HPSE2: variants seen among roughly 807,000 people sequenced by gnomAD.
The protein encoded by HPSE2 is heparanase 2 (inactive), also known as inactive heparanase-2.
HPSE2 carries 38 observed loss-of-function variants against 60.5 expected under a neutral mutation model. The observed-to-expected ratio is 0.63, with a 90% CI of 0.48 to 0.82. The LOEUF is 0.82. Ranked by LOEUF, HPSE2 falls within the 40% of genes least tolerant of loss-of-function variation. The pLI, the probability that HPSE2 is intolerant of heterozygous loss-of-function variation, is 0.00. For synonymous variants in HPSE2, 295 were observed against 293.2 expected (o/e 1.01, Z -0.06); for missense variants, 713 against 740.4 (o/e 0.96, Z 0.43).
At chr10:98,706,151 C>A (rs1048151342) in intron 5 of HPSE2, among the ~76,000 whole-genome samples, 1 of 152,094 alleles carries the variant, frequency 6.6e-6, no homozygotes, top group Non-Finnish European at 1.5e-5. Flanking sequence ...GTAGTTAGTG[C>A]AGGCTAAACT....
chr10:98,781,287 C>T (rs2010121), intron 3 of HPSE2, among the ~76,000 whole-genome samples: 98,718 of 132,348 alleles, frequency 0.75, 37,110 homozygotes, highest in Non-Finnish European at 0.83. Context: ...ATATCCACTT[C>T]TTTTTTTTTT....
intron 3 of HPSE2, among the ~76,000 whole-genome samples, chr10:98,878,218 C>G (rs888593860): frequency 1.3e-5 from 2 of 151,918 alleles, no homozygotes; most frequent in Non-Finnish European, 2.9e-5. Context: ...GGAAGTCGTT[C>G]CTAAGTTATA....
chr10:98,663,709 C>A (rs921401609), intron 6 of HPSE2, among the ~76,000 whole-genome samples: 4 of 152,134 alleles, frequency 2.6e-5, no homozygotes, highest in African/African-American at 7.2e-5. Flanking sequence ...CTTTCCTGAA[C>A]CCCATGGGCC....
chr10:99,180,178 T>C (rs1013289403), intron 2 of HPSE2, among the ~76,000 whole-genome samples: 1 of 152,166 alleles, frequency 6.6e-6, no homozygotes, highest in African/African-American at 2.4e-5. Context: ...ACCTGGGCAA[T>C]ACCATTCAGG....
chr10:98,641,479 C>T (rs1946634935), intron 7 of HPSE2, among the ~76,000 whole-genome samples: 3 of 151,798 alleles, frequency 2.0e-5, no homozygotes, highest in Admixed American at 6.6e-5. Context: ...CTCAGCTACT[C>T]GGGAAGCTGA....
At chr10:98,950,377 C>T (rs544117367) in intron 3 of HPSE2, among the ~76,000 whole-genome samples, 1 of 152,176 alleles carries the variant, frequency 6.6e-6, no homozygotes, top group Non-Finnish European at 1.5e-5. Context: ...TTACAACCTG[C>T]CTGACACACT....
chr10:99,082,715 G>A (rs1224228712), intron 3 of HPSE2, among the ~76,000 whole-genome samples: 1 of 152,090 alleles, frequency 6.6e-6, no homozygotes, highest in Admixed American at 6.5e-5. Flanking sequence ...CACATTCTGT[G>A]TTGAATGAAA....
Position 98,963,966 on chromosome 10 carries a change from C to T in HPSE2, c.610+180272G>A, listed in dbSNP as rs147768169. On this transcript the variant is annotated intron_variant, in intron 3 of 11. Coordinates refer to ENST00000370552, the MANE Select transcript of HPSE2 (RefSeq NM_021828.5). ...GAGTCTATTATCTAAACCTAATGCC[C>T]GATGGAGATAAAATATTTCACATTA... Among the ~76,000 whole-genome samples the T allele has an allele frequency of 3.2e-4, 48 of 152,102 alleles. 1 individual carries two copies. In the East Asian group the frequency reaches 6.9e-3, roughly 22 times the overall value.
chr10:98,458,936 A>C lies in HPSE2; in HGVS notation c.*638T>G, dbSNP rs1215130893. On this transcript the variant is annotated 3_prime_UTR_variant, in exon 12 of 12. Transcript: ENST00000370552. The stretch of plus-strand genomic sequence containing the variant: ...TACTTTTGAAGCACCCGCTTCCCAG[A>C]AGAACTGCCAGTGATGGATGCCACT... 1 of 156,880 alleles carries C rather than the reference A, an allele frequency of 6.4e-6. No individual in the cohort carries two copies. The highest frequency in any genetic ancestry group is 1.4e-5 in the Non-Finnish European group (1 of 70,652). The allele number at this position is 156,880 out of a possible 1,614,324, so 9.7% of individuals were successfully genotyped here.
At chr10:98,605,688 A>G (rs902779161) in intron 9 of HPSE2, among the ~76,000 whole-genome samples, 1 of 152,198 alleles carries the variant, frequency 6.6e-6, no homozygotes, top group Non-Finnish European at 1.5e-5. Context: ...AACAGGAAGC[A>G]ATGAAGTTTG....
intron 2 of HPSE2, among the ~76,000 whole-genome samples, chr10:99,166,431 A>G (rs191160701): frequency 3.9e-5 from 6 of 152,346 alleles, no homozygotes; most frequent in African/African-American, 1.4e-4. Context: ...CCAGCATTGT[A>G]TAAGAGTTCC....
At chr10:98,809,034 G>A (rs1025801020) in intron 3 of HPSE2, among the ~76,000 whole-genome samples, 5 of 151,944 alleles carry the variant, frequency 3.3e-5, no homozygotes, top group East Asian at 3.9e-4. Flanking sequence ...TTACAGTATC[G>A]TCCAGATATC....
intron 2 of HPSE2, among the ~76,000 whole-genome samples, chr10:99,167,841 T>G (rs1847143728): frequency 6.6e-6 from 1 of 152,184 alleles, no homozygotes; most frequent in South Asian, 2.1e-4. Flanking sequence ...AGAACTGATA[T>G]CTTAATAATA....
rs1941857082 is a variant in HPSE2, at chr10:98,496,856, C to G, written c.1321-6660G>C. 1.3e-5 allele frequency among the ~76,000 whole-genome samples: 2 copies of G among 151,732 alleles called. 1 individual carries two copies. The highest frequency in any genetic ancestry group is 4.2e-4 in the South Asian group (2 of 4,816). ...TATTCTGTTCAAGTTTGTAGTTTGA[C>G]TTTTATCACTTTTTATGGTTTTTTG... On this transcript the variant is annotated intron_variant, in intron 9 of 11. Transcript: ENST00000370552.
At chr10:99,276,894 G>A in the HPSE2 span, among the ~76,000 whole-genome samples, 1 of 152,132 alleles carries the variant, frequency 6.6e-6, no homozygotes, top group Admixed American at 6.6e-5. Context: ...GAGCATATTT[G>A]TAAATTTAAA....
At chr10:99,008,466 G>A (rs1482834133) in intron 3 of HPSE2, among the ~76,000 whole-genome samples, 1 of 152,174 alleles carries the variant, frequency 6.6e-6, no homozygotes, top group Non-Finnish European at 1.5e-5. Flanking sequence ...TAGCTTGTAG[G>A]CTTGTTTCTA....
At chr10:98,987,692 G>A (rs1214765068) in intron 3 of HPSE2, among the ~76,000 whole-genome samples, 1 of 152,146 alleles carries the variant, frequency 6.6e-6, no homozygotes, top group Non-Finnish European at 1.5e-5. Context: ...TAGGAAAAGA[G>A]GAAGTCAAAT....
At chr10:98,711,891 A>T (rs1280829745) in intron 5 of HPSE2, among the ~76,000 whole-genome samples, 1 of 152,138 alleles carries the variant, frequency 6.6e-6, no homozygotes, top group Non-Finnish European at 1.5e-5. Context: ...ATCCCCACAC[A>T]TCTGCTTCAG....
chr10:98,626,852 C>T (rs1362583719), intron 7 of HPSE2, among the ~76,000 whole-genome samples: 1 of 151,982 alleles, frequency 6.6e-6, no homozygotes, highest in African/African-American at 2.4e-5. Flanking sequence ...GGCTCACTTG[C>T]AAGCTCCCCC....
Sources: gnomAD v4.1 joint callset for allele counts (sites outside exome capture counted in the v4.1 genomes callset) on GRCh38, gnomAD v4.1.1 for gene constraint, MANE v1.5 for transcripts, NCBI Gene and HGNC (gene_info 2026-07-23, HGNC 2026-07-21) for gene names.